Variants in EIPR1 observed in about 807,000 individuals in gnomAD.
EIPR1 encodes EARP complex and GARP complex interacting protein 1.
EIPR1 carries 25 observed loss-of-function variants against 48.1 expected under a neutral mutation model. The ratio of observed to expected loss-of-function variants is 0.52; its 90% confidence interval spans 0.38 to 0.73. The LOEUF is 0.73. Among genes scored for constraint, EIPR1 ranks in the 30% least tolerant of loss-of-function variants. EIPR1 has a pLI of 0.00. For missense variants in EIPR1, 415 were observed against 506.2 expected (o/e 0.82, Z 1.73); for synonymous variants, 204 against 201.9 (o/e 1.01, Z -0.09).
chr2:3,267,100 C>G (rs1667513156), intron 3 of EIPR1, among the ~76,000 whole-genome samples: 1 of 152,212 alleles, frequency 6.6e-6, no homozygotes, highest in East Asian at 1.9e-4. Flanking sequence ...AAGCAGGGAC[C>G]CGGAAGCTGT....
chr2:3,340,400 G>C (rs1271968670), intron 2 of EIPR1, among the ~76,000 whole-genome samples: 1 of 152,206 alleles, frequency 6.6e-6, no homozygotes, highest in Non-Finnish European at 1.5e-5. Context: ...CTCTCCATTC[G>C]GGGAACTGAA....
intron 3 of EIPR1, among the ~76,000 whole-genome samples, chr2:3,262,406 C>G (rs1377021212): frequency 6.6e-6 from 1 of 152,224 alleles, no homozygotes; most frequent in Non-Finnish European, 1.5e-5. Flanking sequence ...CTGCTGAGGA[C>G]ACCAGGACTT....
intron 5 of EIPR1, among the ~76,000 whole-genome samples, chr2:3,213,186 G>A (rs1008152283): frequency 4.6e-5 from 7 of 152,128 alleles, no homozygotes; most frequent in African/African-American, 1.2e-4. Context: ...ACTGTGTGCC[G>A]GCAACGCAGC....
intron 3 of EIPR1, chr2:3,300,793 C>T (rs2103293135): frequency 6.6e-6 from 1 of 152,328 alleles, no homozygotes; most frequent in South Asian, 2.1e-4. Context: ...GTCGCCCAGG[C>T]ATGTTTTCTA....
intron 4 of EIPR1, among the ~76,000 whole-genome samples, chr2:3,243,738 G>A (rs984212242): frequency 5.9e-5 from 9 of 152,068 alleles, no homozygotes; most frequent in Non-Finnish European, 8.8e-5. Flanking sequence ...GAAAAACAAC[G>A]GCCCTAATCA....
intron 3 of EIPR1, among the ~76,000 whole-genome samples, chr2:3,307,877 A>C (rs1176177837): frequency 6.6e-6 from 1 of 152,250 alleles, no homozygotes; most frequent in Non-Finnish European, 1.5e-5. Flanking sequence ...TATGTTAGCC[A>C]TTTGGTTATC....
chr2:3,355,388 T>A (rs1269469875), intron 1 of EIPR1, among the ~76,000 whole-genome samples: 3 of 152,184 alleles, frequency 2.0e-5, no homozygotes, highest in Non-Finnish European at 4.4e-5. Flanking sequence ...GTCATCTCAA[T>A]CCTGATTGGA....
intron 4 of EIPR1, among the ~76,000 whole-genome samples, chr2:3,236,811 C>A (rs1399837505): frequency 1.3e-5 from 2 of 152,170 alleles, no homozygotes; most frequent in Admixed American, 1.3e-4. Context: ...CTATAAATGG[C>A]AGAGCTGAGA....
rs540224816 is a variant in EIPR1 at position 3,312,444 on chromosome 2, G to A, written c.259+25573C>T. Among the ~76,000 whole-genome samples, 22 of 152,252 alleles carry A rather than the reference G, an allele frequency of 1.4e-4. No individual in the cohort carries two copies. ...TCTGAGGGGCAAAGTTCATTTTTCA[G>A]ACCCCATGATGGGACTTCTCTCACT... On this transcript the variant is annotated intron_variant, in intron 3 of 8. Coordinates refer to ENST00000382125, the MANE Select transcript of EIPR1 (RefSeq NM_003310.5). The surrounding 1 kb of genome is among the most constrained non-coding windows in gnomAD (Gnocchi z 5.5).
At chr2:3,215,897 T>C (rs6548129) in intron 4 of EIPR1, among the ~76,000 whole-genome samples, 140,547 of 152,278 alleles carry the variant, frequency 0.92, 65,076 homozygotes, top group East Asian at 0.98. Context: ...GCACATCACG[T>C]CTATATTAGA....
chr2:3,209,021 G>A (rs1198902439), intron 5 of EIPR1: 1 of 1,448,798 alleles, frequency 6.9e-7, no homozygotes, highest in African/African-American at 1.4e-5. Flanking sequence ...CAATAGTGGA[G>A]GTGGCTGACC....
At chr2:3,310,457 T>A (rs1246870197) in intron 3 of EIPR1, among the ~76,000 whole-genome samples, 1 of 141,842 alleles carries the variant, frequency 7.1e-6, no homozygotes, top group African/African-American at 2.8e-5. Flanking sequence ...ACTGAGACCA[T>A]CCTGGCTAAA....
intron 3 of EIPR1, among the ~76,000 whole-genome samples, chr2:3,313,485 C>T (rs563878865): frequency 2.6e-5 from 4 of 152,090 alleles, no homozygotes; most frequent in Non-Finnish European, 5.9e-5. Context: ...GCCCAGTCCT[C>T]CAGGTGAATG....
intron 3 of EIPR1, among the ~76,000 whole-genome samples, chr2:3,301,803 C>CA (rs1418754950): frequency 6.6e-6 from 1 of 152,210 alleles, no homozygotes; most frequent in Non-Finnish European, 1.5e-5. Context: ...TGTGGATACT[C>CA]AAACCCACCA....
intron 4 of EIPR1, among the ~76,000 whole-genome samples, chr2:3,241,635 T>C (rs1441095728): frequency 1.3e-5 from 2 of 152,164 alleles, no homozygotes; most frequent in South Asian, 2.1e-4. Context: ...GGAGAGGACA[T>C]AAAACGATAT....
intron 3 of EIPR1, among the ~76,000 whole-genome samples, chr2:3,270,887 A>G (rs563216231): frequency 2.0e-5 from 3 of 152,368 alleles, no homozygotes; most frequent in Admixed American, 1.3e-4. Flanking sequence ...TTTCTCTAGC[A>G]TGTGATGCTA....
intron 3 of EIPR1, among the ~76,000 whole-genome samples, chr2:3,284,406 CACAT>C: frequency 2.6e-5 from 3 of 115,602 alleles, no homozygotes; most frequent in African/African-American, 1.0e-4. Flanking sequence ...GTAAGCTGGG[CACAT>C]GGAGATGGGG....
chr2:3,355,964 G>T (rs367560260), intron 1 of EIPR1, among the ~76,000 whole-genome samples: 44 of 152,338 alleles, frequency 2.9e-4, no homozygotes, highest in African/African-American at 1.0e-3. Flanking sequence ...TGGGAAGCAA[G>T]CTCTAAAGTT....
intron 3 of EIPR1, among the ~76,000 whole-genome samples, chr2:3,264,423 G>A (rs1667426083): frequency 6.6e-6 from 1 of 152,122 alleles, no homozygotes; most frequent in African/African-American, 2.4e-5. Flanking sequence ...TGTAATGAAT[G>A]TCCCAATCAT....
Sources: gnomAD v4.1 joint callset for allele counts (sites outside exome capture counted in the v4.1 genomes callset) on GRCh38, gnomAD v4.1.1 for gene constraint, Gnocchi (gnomAD v3.1) non-coding constraint, MANE v1.5 for transcripts, NCBI Gene and HGNC (gene_info 2026-07-23, HGNC 2026-07-21) for gene names.